PLPPR1: variants seen among roughly 807,000 people sequenced by gnomAD.
PLPPR1 encodes the protein phospholipid phosphatase-related protein type 1.
Under a neutral mutation model 33.1 loss-of-function variants are expected in PLPPR1, and 10 were observed. That is an observed-to-expected ratio of 0.30 (90% CI 0.19 to 0.51). The LOEUF (loss-of-function observed/expected upper bound fraction) is 0.51, where lower values mean the gene tolerates loss of function less well. PLPPR1 is among the 20% of genes least tolerant of loss of function. The pLI, the probability that PLPPR1 is intolerant of heterozygous loss-of-function variation, is 0.97. For synonymous variants in PLPPR1, 151 were observed against 151.0 expected, an observed-to-expected ratio of 1.00 and a Z score of 0.00; for missense variants, 304 against 408.1, an observed-to-expected ratio of 0.74 and a Z score of 2.20.
chr9:101,150,374 G>A (rs1316785078), intron 1 of PLPPR1, among the ~76,000 whole-genome samples: 1 of 151,996 alleles, frequency 6.6e-6, no homozygotes, highest in East Asian at 1.9e-4. Context: ...GTAGTTTTAT[G>A]CATAGGTCTC....
At chr9:101,138,852 C>T (rs544858515) in intron 1 of PLPPR1, among the ~76,000 whole-genome samples, 2 of 152,238 alleles carry the variant, frequency 1.3e-5, no homozygotes, top group African/African-American at 4.8e-5. Context: ...CTGTGTATTT[C>T]CATTTCAAAT....
intron 2 of PLPPR1, among the ~76,000 whole-genome samples, chr9:101,257,453 A>T (rs1365885751): frequency 2.0e-5 from 3 of 152,158 alleles, no homozygotes; most frequent in African/African-American, 7.2e-5. Context: ...GATTTGAAGG[A>T]TCCTTTCCCT....
rs528863087 is a variant in PLPPR1 at position 101,057,546 on chromosome 9, A to C, written c.-46+28444A>C. 5.1e-3 allele frequency among the ~76,000 whole-genome samples: 777 copies of C among 152,286 alleles called. 1 individual carries two copies. The highest frequency in any genetic ancestry group is 0.01 in the Middle Eastern group (3 of 294). ...AGGTGATGGTATATTGTAAAAAAAA[A>C]ATACCTCATTTAATAACTACTGCCT... On this transcript the variant is annotated intron_variant, in intron 1 of 7. Coordinates refer to ENST00000374874, the MANE Select transcript of PLPPR1 (RefSeq NM_207299.2).
intron 1 of PLPPR1, among the ~76,000 whole-genome samples, chr9:101,113,800 A>G (rs1466238260): frequency 6.6e-6 from 1 of 152,180 alleles, no homozygotes; most frequent in Non-Finnish European, 1.5e-5. Context: ...TAAAAAAGCA[A>G]TTTGCATATT....
chr9:101,245,075 A>G (rs1345724514), intron 2 of PLPPR1, among the ~76,000 whole-genome samples: 2 of 152,002 alleles, frequency 1.3e-5, no homozygotes, highest in Non-Finnish European at 2.9e-5. Flanking sequence ...GCTGCTAAGC[A>G]TGGAAAAGAA....
chr9:101,306,915 G>T (rs1828869508), intron 4 of PLPPR1, among the ~76,000 whole-genome samples: 1 of 152,224 alleles, frequency 6.6e-6, no homozygotes, highest in African/African-American at 2.4e-5. Flanking sequence ...GTAGGGTGAA[G>T]TAAGAGAGAG....
chr9:101,187,525 C>T (rs1826225392), intron 2 of PLPPR1: 1 of 151,904 alleles, frequency 6.6e-6, no homozygotes, highest in African/African-American at 2.4e-5. Context: ...TTAGAACTGT[C>T]TTAGAAATAG....
intron 4 of PLPPR1, among the ~76,000 whole-genome samples, chr9:101,298,409 C>A (rs1427873077): frequency 6.6e-6 from 1 of 152,074 alleles, no homozygotes; most frequent in African/African-American, 2.4e-5. Flanking sequence ...CAAGTGTGGT[C>A]TAAGTGAAGC....
chr9:101,126,959 C>G (rs1831252715), intron 1 of PLPPR1, among the ~76,000 whole-genome samples: 1 of 152,134 alleles, frequency 6.6e-6, no homozygotes, highest in Non-Finnish European at 1.5e-5. Flanking sequence ...TCTGCCAATT[C>G]TCTCCCATTT....
chr9:101,296,530 C>G (rs982605948), intron 4 of PLPPR1, among the ~76,000 whole-genome samples: 2 of 152,072 alleles, frequency 1.3e-5, no homozygotes, highest in African/African-American at 4.8e-5. Flanking sequence ...TTCACAATAG[C>G]AAAGACTTGG....
At chr9:101,100,809 ATAGT>A (rs71498761) in intron 1 of PLPPR1, among the ~76,000 whole-genome samples, 31,926 of 151,510 alleles carry the variant, frequency 0.21, 3,449 homozygotes, top group East Asian at 0.34. Flanking sequence ...TTTAATCCTC[ATAGT>A]TAGGGCCCCA....
intron 4 of PLPPR1, among the ~76,000 whole-genome samples, chr9:101,295,452 T>C (rs1212207984): frequency 3.9e-5 from 6 of 152,154 alleles, no homozygotes; most frequent in Non-Finnish European, 7.4e-5. Flanking sequence ...AAAAAACTAC[T>C]TTAAAGTTCA....
At chr9:101,299,171 C>T (rs937783918) in intron 4 of PLPPR1, among the ~76,000 whole-genome samples, 1 of 152,186 alleles carries the variant, frequency 6.6e-6, no homozygotes, top group Non-Finnish European at 1.5e-5. Context: ...AATTCAGCAA[C>T]AGGAACCGTA....
rs148263377 is a variant in PLPPR1, at chr9:101,303,021, C to G, written c.386-6190C>G. 9.7e-3 allele frequency among the ~76,000 whole-genome samples: 1,476 copies of G among 152,318 alleles called. 18 individuals are homozygous for G. Among genetic ancestry groups the G allele is most frequent in the African/African-American group, 0.032 (1,312 of 41,566 alleles). Reference sequence around the variant, plus strand: ...TTGTTTTTTGAGACAGAGTCTCGCTCTGTTGCCCAGGCTGGAGTGCAGTGG... The same window carrying G: ...TTGTTTTTTGAGACAGAGTCTCGCTGTGTTGCCCAGGCTGGAGTGCAGTGG... On this transcript the variant is annotated intron_variant, in intron 4 of 7. Coordinates refer to ENST00000374874, the MANE Select transcript of PLPPR1 (RefSeq NM_207299.2).
intron 1 of PLPPR1, among the ~76,000 whole-genome samples, chr9:101,175,379 C>A (rs1003026628): frequency 1.3e-5 from 2 of 152,002 alleles, no homozygotes; most frequent in Admixed American, 6.6e-5. Flanking sequence ...TTTTGTCTAC[C>A]TAAAAGTTAA....
At chr9:101,288,533 A>C (rs950790834) in intron 4 of PLPPR1, among the ~76,000 whole-genome samples, 3 of 152,132 alleles carry the variant, frequency 2.0e-5, no homozygotes, top group African/African-American at 7.2e-5. Context: ...CAGCATTGAA[A>C]GGCAAAGGGG....
intron 1 of PLPPR1, among the ~76,000 whole-genome samples, chr9:101,034,963 CA>C (rs1397185668): frequency 6.6e-6 from 1 of 152,128 alleles, no homozygotes; most frequent in African/African-American, 2.4e-5. Context: ...AAGTACCTGC[CA>C]ATAACACTTG....
chr9:101,227,574 C>G (rs933207777), intron 2 of PLPPR1, among the ~76,000 whole-genome samples: 1 of 152,100 alleles, frequency 6.6e-6, no homozygotes, highest in African/African-American at 2.4e-5. Flanking sequence ...AAAGTTTCTC[C>G]CATTCTGTAT....
chr9:101,106,250 T>C (rs1830967915), intron 1 of PLPPR1, among the ~76,000 whole-genome samples: 1 of 145,010 alleles, frequency 6.9e-6, no homozygotes, highest in Admixed American at 6.8e-5. Flanking sequence ...GTCTCGATGG[T>C]CTTTACATTT....
Sources: allele counts gnomAD v4.1 joint callset (sites outside exome capture counted in the v4.1 genomes callset), GRCh38; gene constraint gnomAD v4.1.1; transcripts MANE v1.5; gene names NCBI Gene and HGNC (gene_info 2026-07-23, HGNC 2026-07-21).